FGF13: variants seen among roughly 807,000 people sequenced by gnomAD.
FGF13 encodes the protein fibroblast growth factor 13.
FGF13 carries 2 observed loss-of-function variants against 19.5 expected under a neutral mutation model. The ratio of observed to expected loss-of-function variants is 0.10; its 90% CI spans 0.04 to 0.32. The LOEUF is 0.32. Ranked by LOEUF, FGF13 falls within the 10% of genes least tolerant of loss-of-function variation. FGF13 has a pLI of 1.00. For missense variants in FGF13, 113 were observed against 192.7 expected, an observed-to-expected ratio of 0.59 and a Z score of 2.45; for synonymous variants, 72 against 76.9, an observed-to-expected ratio of 0.94 and a Z score of 0.33.
At chrX:139,041,282 A>G (rs2092269087) in intron 1 of FGF13, among the ~76,000 whole-genome samples, 1 of 111,378 alleles carries the variant, frequency 9.0e-6, no homozygotes, top group Non-Finnish European at 1.9e-5. Context: ...GAGCAATATA[A>G]TATGTATGCT....
chrX:138,700,768 A>G (rs2089938827), intron 3 of FGF13, among the ~76,000 whole-genome samples: 1 of 112,105 alleles, frequency 8.9e-6, no homozygotes, highest in Non-Finnish European at 1.9e-5. Flanking sequence ...TTTCTCTAAT[A>G]GAAACACTTA....
intron 2 of FGF13, among the ~76,000 whole-genome samples, chrX:138,705,118 A>G (rs1179901212): frequency 8.9e-6 from 1 of 112,382 alleles, no homozygotes; most frequent in Non-Finnish European, 1.9e-5. Flanking sequence ...AAGCCATATC[A>G]CTACATACCA....
rs1556321728 is a variant in FGF13, at chrX:138,984,524, G to GAAGAAC, written c.-112-119875_-112-119874insGTTCTT. Among the ~76,000 whole-genome samples the GAAGAAC allele has an allele frequency of 1.2e-3, 16 of 13,636 alleles. 1 individual carries two copies. Among genetic ancestry groups the GAAGAAC allele is most frequent in the African/African-American group, 4.3e-3 (16 of 3,691 alleles). 11.8% of individuals were successfully genotyped at this position (13,636 alleles called of 115,157 possible). A position where few individuals can be genotyped will look rare whatever the true frequency, so the allele number is the denominator to read the frequency against. The stretch of plus-strand genomic sequence containing the variant: ...AGGAGAAGAAGAGGAAGAAGAAGAG[G>GAAGAAC]AAGAAGAAGAAGAAGAAGAAGAAGA... On this transcript the variant is annotated intron_variant, in intron 1 of 2. Coordinates refer to the FGF13 transcript ENST00000421460.
intron 1 of FGF13, among the ~76,000 whole-genome samples, chrX:139,134,208 T>A (rs1225132531): frequency 9.0e-6 from 1 of 111,724 alleles, no homozygotes; most frequent in Non-Finnish European, 1.9e-5. Flanking sequence ...TGTGTACTAA[T>A]ACTATGTGTC....
intron 1 of FGF13, among the ~76,000 whole-genome samples, chrX:138,995,533 T>C (rs747964760): frequency 1.2e-4 from 14 of 112,048 alleles, no homozygotes; most frequent in Non-Finnish European, 2.4e-4. Flanking sequence ...TACCATTTAG[T>C]TCCCACAAAC....
At chrX:139,203,473 G>T (rs1300493857) in exon 1 of FGF13, 1 of 91,572 alleles carries the variant, frequency 1.1e-5, no homozygotes, top group African/African-American at 4.1e-5. Flanking sequence ...GGTTGGGGTG[G>T]ATAAGGAGTT....
At chrX:138,702,056 G>A (rs2089950661) in intron 3 of FGF13, among the ~76,000 whole-genome samples, 1 of 111,885 alleles carries the variant, frequency 8.9e-6, no homozygotes, top group African/African-American at 3.2e-5. Flanking sequence ...GCCATGGCAG[G>A]CGGATCATTC....
Position 138,977,072 on chromosome X carries a change from G to A in FGF13, c.-112-112422C>T, listed in dbSNP as rs1368725656. On this transcript the variant is annotated intron_variant, in intron 1 of 2. Coordinates refer to the FGF13 transcript ENST00000421460. ...TTAAGATAATCAAAATACTAACAAT[G>A]AACTCTTTGAATCTGAATATTAGGA... 6.3e-5 allele frequency among the ~76,000 whole-genome samples: 7 copies of A among 111,543 alleles called. No homozygotes were observed. In the Admixed American group the frequency reaches 6.7e-4, roughly 11 times the overall value.
chrX:138,796,628 A>G (rs1243369456), intron 3 of FGF13, among the ~76,000 whole-genome samples: 1 of 111,711 alleles, frequency 9.0e-6, no homozygotes, highest in Non-Finnish European at 1.9e-5. Flanking sequence ...CTGGTTCTAG[A>G]TCCTTGAGGA....
chrX:138,848,494 TC>T (rs1008684901), intron 3 of FGF13, among the ~76,000 whole-genome samples: 1 of 111,842 alleles, frequency 8.9e-6, no homozygotes, highest in Admixed American at 9.5e-5. Flanking sequence ...TAAATTTTTT[TC>T]CAGTTATAAA....
At chrX:138,929,235 C>CTGGG (rs2091688550) in intron 1 of FGF13, among the ~76,000 whole-genome samples, 1 of 97,790 alleles carries the variant, frequency 1.0e-5, no homozygotes, top group Non-Finnish European at 2.1e-5. Flanking sequence ...GAGGAAAACT[C>CTGGG]TGTGTGTGTG....
chrX:139,150,918 C>T (rs1468030267), intron 1 of FGF13, among the ~76,000 whole-genome samples: 1 of 110,897 alleles, frequency 9.0e-6, no homozygotes, highest in Admixed American at 9.7e-5. Flanking sequence ...GCTACACCCA[C>T]AGCAATGTCT....
chrX:138,899,187 G>A (rs1335065664), intron 1 of FGF13, among the ~76,000 whole-genome samples: 3 of 111,662 alleles, frequency 2.7e-5, no homozygotes, highest in African/African-American at 6.5e-5. Flanking sequence ...GAGAAAAAAA[G>A]CTTGTGTTTT....
At chrX:138,724,588 G>C (rs1344434411) in intron 1 of FGF13, among the ~76,000 whole-genome samples, 2 of 112,068 alleles carry the variant, frequency 1.8e-5, no homozygotes, top group Non-Finnish European at 3.8e-5. Flanking sequence ...AAGTTTTTAA[G>C]TATAGTGCTT....
In FGF13 at chrX:138,918,719, G is replaced by C. The variant is rs140076293; in HGVS notation, c.-112-54069C>G. On this transcript the variant is annotated intron_variant, in intron 1 of 2. Coordinates refer to the FGF13 transcript ENST00000421460. ...ACTGCAGTGTGAGAAGTACAATAAG[G>C]AGGGTAGCACAAGATGATGATTAAA... Among the ~76,000 whole-genome samples the C allele has an allele frequency of 1.1e-4, 12 of 111,557 alleles. No individual in the cohort carries two copies. In the East Asian group the frequency reaches 3.1e-3, roughly 29 times the overall value.
At chrX:139,016,258 G>C (rs766610956) in intron 1 of FGF13, among the ~76,000 whole-genome samples, 1 of 111,880 alleles carries the variant, frequency 8.9e-6, no homozygotes, top group South Asian at 3.7e-4. Context: ...AATAATATCT[G>C]TTTGCGCTTT....
chrX:138,703,915 T>C (rs907915130), intron 2 of FGF13, among the ~76,000 whole-genome samples: 67 of 111,275 alleles, frequency 6.0e-4, no homozygotes, highest in Non-Finnish European at 9.2e-4. Flanking sequence ...GGTTTCTCCA[T>C]GTTGGTCAGG....
intron 2 of FGF13, among the ~76,000 whole-genome samples, chrX:138,861,276 T>A (rs1267720263): frequency 8.9e-6 from 1 of 112,117 alleles, no homozygotes; most frequent in Non-Finnish European, 1.9e-5. Context: ...TTCACAGAAA[T>A]ACAGTATTCC....
intron 3 of FGF13, among the ~76,000 whole-genome samples, chrX:138,755,463 C>T (rs1203981654): frequency 8.9e-6 from 1 of 112,579 alleles, no homozygotes; most frequent in Non-Finnish European, 1.9e-5. Flanking sequence ...ATAATAAGAA[C>T]TAATTCAAAA....
Sources: gnomAD v4.1 joint callset for allele counts (sites outside exome capture counted in the v4.1 genomes callset) on GRCh38, gnomAD v4.1.1 for gene constraint, MANE v1.5 for transcripts, NCBI Gene and HGNC (gene_info 2026-07-23, HGNC 2026-07-21) for gene names.